Variants in PCCA observed in about 807,000 individuals in gnomAD.
PCCA encodes propionyl-CoA carboxylase subunit alpha, also known as propionyl-CoA carboxylase alpha chain, mitochondrial.
PCCA carries 74 observed loss-of-function variants against 101.3 expected under a neutral mutation model. The ratio of observed to expected loss-of-function variants is 0.73; its 90% CI spans 0.61 to 0.89. The LOEUF (loss-of-function observed/expected upper bound fraction) is 0.89. Among genes scored for constraint, PCCA ranks in the 40% least tolerant of loss-of-function variants. The pLI, the probability that PCCA is intolerant of heterozygous loss-of-function variation, is 0.00. For synonymous variants in PCCA, 294 were observed against 313.6 expected (o/e 0.94, Z 0.66); for missense variants, 891 against 907.0 (o/e 0.98, Z 0.23).
At chr13:100,135,453 T>A (rs558274819) in intron 4 of PCCA, among the ~76,000 whole-genome samples, 1 of 152,234 alleles carries the variant, frequency 6.6e-6, no homozygotes, top group African/African-American at 2.4e-5. Context: ...TTAAAAAATT[T>A]TGGTTTCCAG....
chr13:100,506,804 G>T (rs575603790), intron 21 of PCCA, among the ~76,000 whole-genome samples: 1 of 152,166 alleles, frequency 6.6e-6, no homozygotes, highest in Non-Finnish European at 1.5e-5. Context: ...GTTGGGCACC[G>T]TCGTGAAATG....
chr13:100,344,560 T>C (rs1335058629), intron 18 of PCCA, among the ~76,000 whole-genome samples: 2 of 152,240 alleles, frequency 1.3e-5, no homozygotes, highest in Non-Finnish European at 2.9e-5. Flanking sequence ...CACACAGTTT[T>C]AGACTTCAAC....
At chr13:100,523,217 T>C (rs1283265667) in intron 22 of PCCA, among the ~76,000 whole-genome samples, 1 of 152,168 alleles carries the variant, frequency 6.6e-6, no homozygotes, top group Admixed American at 6.5e-5. Context: ...TAGAAGGATA[T>C]TGGGGGCTTT....
chr13:100,484,659 C>T (rs192070026), intron 21 of PCCA, among the ~76,000 whole-genome samples: 294 of 152,304 alleles, frequency 1.9e-3, no homozygotes, highest in Non-Finnish European at 3.5e-3. Flanking sequence ...CCAGTTTCTT[C>T]CAGATATTAA....
intron 4 of PCCA, among the ~76,000 whole-genome samples, chr13:100,113,436 TA>T (rs2048508027): frequency 6.6e-6 from 1 of 152,162 alleles, no homozygotes; most frequent in African/African-American, 2.4e-5. Context: ...GTCACTACTA[TA>T]GACTTCATAA....
intron 2 of PCCA, among the ~76,000 whole-genome samples, chr13:100,107,262 CTTG>C (rs1165064046): frequency 1.3e-5 from 2 of 152,162 alleles, no homozygotes; most frequent in East Asian, 3.9e-4. Context: ...AACAAGCTAA[CTTG>C]TTGTCTTATG....
chr13:100,433,015 C>G (rs555613010), intron 20 of PCCA, among the ~76,000 whole-genome samples: 3 of 152,320 alleles, frequency 2.0e-5, no homozygotes, highest in African/African-American at 7.2e-5. Context: ...TGTGAATATA[C>G]TACATGTTGT....
At chr13:100,300,802 A>G (rs989996178) in intron 12 of PCCA, among the ~76,000 whole-genome samples, 2 of 152,258 alleles carry the variant, frequency 1.3e-5, no homozygotes, top group African/African-American at 4.8e-5. Flanking sequence ...AAGGCCAGGT[A>G]CATGCATGAC....
At chr13:100,199,011 T>C (rs2058306492) in intron 6 of PCCA, among the ~76,000 whole-genome samples, 1 of 151,718 alleles carries the variant, frequency 6.6e-6, no homozygotes, top group Non-Finnish European at 1.5e-5. Context: ...CTGAAGCTGC[T>C]CCTAGTCCGT....
intron 6 of PCCA, among the ~76,000 whole-genome samples, chr13:100,194,917 T>A (rs905623912): frequency 6.6e-6 from 1 of 152,158 alleles, no homozygotes; most frequent in South Asian, 2.1e-4. Flanking sequence ...AAATCTTCAT[T>A]TTTTTGCTTA....
chr13:100,421,775 C>G (rs1373364316), intron 19 of PCCA, among the ~76,000 whole-genome samples: 1 of 151,958 alleles, frequency 6.6e-6, no homozygotes, highest in African/African-American at 2.4e-5. Context: ...ACCTCTGCCT[C>G]CCAGGTTCAA....
chr13:100,159,570 CTG>C (rs1320760593), intron 6 of PCCA, among the ~76,000 whole-genome samples: 2 of 152,190 alleles, frequency 1.3e-5, no homozygotes, highest in African/African-American at 2.4e-5. Context: ...GAAGAAAATA[CTG>C]TGAGATAAGA....
chr13:100,451,738 C>CTCTT (rs1302967403), intron 21 of PCCA, among the ~76,000 whole-genome samples: 2 of 97,308 alleles, frequency 2.1e-5, no homozygotes, highest in Admixed American at 1.2e-4. Flanking sequence ...CTCTCTCTCT[C>CTCTT]TTCTCTCCTT....
At chr13:100,497,984 C>T (rs982832639) in intron 21 of PCCA, among the ~76,000 whole-genome samples, 3 of 151,960 alleles carry the variant, frequency 2.0e-5, no homozygotes, top group African/African-American at 7.3e-5. Flanking sequence ...ATCCTCCTGC[C>T]TCAGCCTCAT....
intron 12 of PCCA, among the ~76,000 whole-genome samples, chr13:100,275,783 A>T (rs2063612258): frequency 6.6e-6 from 1 of 152,042 alleles, no homozygotes; most frequent in Non-Finnish European, 1.5e-5. Flanking sequence ...CTACATTACA[A>T]CACACATCCT....
Position 100,122,652 on chromosome 13 carries a change from T to C in PCCA, c.300+10591T>C, listed in dbSNP as rs115791452. ...ATTTTATAAGGTCAGTAGTAATGTC[T>C]CCTCTTTCATTCCTAAATTTAGACA... On this transcript the variant is annotated intron_variant, in intron 4 of 23. Coordinates refer to ENST00000376285, the MANE Select transcript of PCCA (RefSeq NM_000282.4). Among the ~76,000 whole-genome samples the C allele has an allele frequency of 3.1e-3, 473 of 152,340 alleles. 1 individual carries two copies. The highest frequency in any genetic ancestry group is 0.011 in the African/African-American group (452 of 41,584).
chr13:100,268,676 A>G lies in PCCA; in HGVS notation c.820-13A>G. ...GTGGTTATATGGTTTTTCAAATGGTATTGCTCTTTCAGGTTCTAGGTGATA... is the reference window on the plus strand; with the variant it reads ...GTGGTTATATGGTTTTTCAAATGGTGTTGCTCTTTCAGGTTCTAGGTGATA... On this transcript the variant is annotated splice_polypyrimidine_tract_variant and intron_variant, in intron 10 of 23. Coordinates refer to ENST00000376285, the MANE Select transcript of PCCA (RefSeq NM_000282.4). The G allele has an allele frequency of 6.3e-7, 1 of 1,586,922 alleles. No individual in the cohort carries two copies. The highest frequency in any genetic ancestry group is 8.7e-7 in the Non-Finnish European group (1 of 1,155,158).
intron 19 of PCCA, among the ~76,000 whole-genome samples, chr13:100,413,173 A>G (rs902157323): frequency 2.6e-5 from 4 of 152,220 alleles, no homozygotes; most frequent in African/African-American, 9.6e-5. Context: ...CTGAGTGTCT[A>G]AGGATAGTAC....
intron 21 of PCCA, among the ~76,000 whole-genome samples, chr13:100,503,996 A>G (rs2085882062): frequency 6.6e-6 from 1 of 152,248 alleles, no homozygotes; most frequent in Non-Finnish European, 1.5e-5. Flanking sequence ...TCATGTGAGT[A>G]AAAGATATAC....
Sources: allele counts gnomAD v4.1 joint callset (sites outside exome capture counted in the v4.1 genomes callset), GRCh38; gene constraint gnomAD v4.1.1; transcripts MANE v1.5; gene names NCBI Gene and HGNC (gene_info 2026-07-23, HGNC 2026-07-21).